COG5: variants seen among roughly 807,000 people sequenced by gnomAD.
The protein encoded by COG5 is conserved oligomeric Golgi complex subunit 5.
In COG5, 86 loss-of-function variants were observed where a neutral mutation model predicts 110.4. The ratio of observed to expected loss-of-function variants is 0.78; its 90% CI spans 0.65 to 0.93. The LOEUF (loss-of-function observed/expected upper bound fraction) is 0.93. COG5 is among the 40% of genes least tolerant of loss of function. The pLI is 0.00. For synonymous variants in COG5, 360 were observed against 334.6 expected (o/e 1.08, Z -0.83); for missense variants, 1,077 against 987.0 (o/e 1.09, Z -1.22).
chr7:107,503,814 A>T lies in COG5; in HGVS notation c.538+23423T>A, dbSNP rs1584904069. Among the ~76,000 whole-genome samples, 3 of 152,198 alleles carry T rather than the reference A, an allele frequency of 2.0e-5. No individual in the cohort carries two copies. In the East Asian group the frequency reaches 5.8e-4, roughly 29 times the overall value. On this transcript the variant is annotated intron_variant, in intron 6 of 21. Coordinates refer to ENST00000297135, the MANE Select transcript of COG5 (RefSeq NM_006348.5). ...CTCAGCTTGGTGGTTGGTGTGTAGC[A>T]GTGCTACTGATTTGTGTACATTGAC...
intron 17 of COG5, among the ~76,000 whole-genome samples, chr7:107,240,204 C>G (rs1307637710): frequency 6.6e-6 from 1 of 152,014 alleles, no homozygotes; most frequent in East Asian, 1.9e-4. Flanking sequence ...TTGATGATTA[C>G]TCTTTACTTA....
chr7:107,350,793 T>C (rs1020571872), intron 10 of COG5, among the ~76,000 whole-genome samples: 1 of 152,162 alleles, frequency 6.6e-6, no homozygotes, highest in African/African-American at 2.4e-5. Flanking sequence ...AAGTTTCTTC[T>C]TCCATCTTGC....
At chr7:107,428,313 T>C (rs994117797) in intron 6 of COG5, among the ~76,000 whole-genome samples, 5 of 152,020 alleles carry the variant, frequency 3.3e-5, no homozygotes, top group African/African-American at 1.2e-4. Context: ...TTAAACTGGA[T>C]TAGGGTGGCC....
chr7:107,427,111 TTGTTCATC>T (rs1793690986), intron 6 of COG5, among the ~76,000 whole-genome samples: 1 of 152,216 alleles, frequency 6.6e-6, no homozygotes. Context: ...TCCTCTGGTC[TTGTTCATC>T]TATATGATCA....
At chr7:107,359,624 A>G (rs1047638318) in intron 10 of COG5, among the ~76,000 whole-genome samples, 3 of 152,066 alleles carry the variant, frequency 2.0e-5, no homozygotes, top group South Asian at 2.1e-4. Context: ...GCCCATGGCC[A>G]ACCATGGACA....
intron 6 of COG5, among the ~76,000 whole-genome samples, chr7:107,414,951 C>A (rs745546902): frequency 3.3e-5 from 5 of 151,882 alleles, no homozygotes; most frequent in Non-Finnish European, 7.4e-5. Context: ...TGGTCTTGAT[C>A]TCCTGACCTT....
At chr7:107,260,358 T>C (rs1803235703) in intron 14 of COG5, among the ~76,000 whole-genome samples, 1 of 152,084 alleles carries the variant, frequency 6.6e-6, no homozygotes, top group Non-Finnish European at 1.5e-5. Flanking sequence ...TTATATGAAA[T>C]ATCCAGATTA....
At position 107,211,222 on chromosome 7, in the gene COG5, A is replaced by G. The variant is rs1475281552; in HGVS notation, c.2172T>C (p.Pro724=). The change falls in exon 20 of 22, where the codon CCT becomes CCC. Residue 724 remains proline (P), a synonymous_variant. Transcript: ENST00000297135. ...KSYRMLRSFR[P]LLFQASEHVA... ...CATGTTCACTTGCCTGGAAGAGCAG[A>G]GGTCTAGACGGGAAAAACAGAAGTT... The G allele has an allele frequency of 6.2e-7, 1 of 1,614,036 alleles. No individual in the cohort carries two copies.
intron 6 of COG5, among the ~76,000 whole-genome samples, chr7:107,505,973 T>C (rs114860582): frequency 0.015 from 2,350 of 152,222 alleles, 62 homozygotes; most frequent in African/African-American, 0.055. Context: ...CCAGCTCTGA[T>C]GGGGGTGGCA....
intron 16 of COG5, among the ~76,000 whole-genome samples, chr7:107,249,907 T>C (rs1323083001): frequency 1.3e-5 from 2 of 151,592 alleles, no homozygotes; most frequent in African/African-American, 4.9e-5. Context: ...AGCATAGGAG[T>C]TTGGGAAAGC....
At chr7:107,259,345 A>AAT (rs1803140067) in intron 14 of COG5, among the ~76,000 whole-genome samples, 1 of 152,240 alleles carries the variant, frequency 6.6e-6, no homozygotes, top group Admixed American at 6.5e-5. Context: ...GTGGCCTGAA[A>AAT]ATATATTTAT....
At chr7:107,403,444 T>C (rs1016506303) in intron 7 of COG5, among the ~76,000 whole-genome samples, 2 of 152,020 alleles carry the variant, frequency 1.3e-5, no homozygotes, top group South Asian at 4.2e-4. Context: ...AATGTGCTGG[T>C]TTGTTATATA....
chr7:107,215,419 G>T (rs749865004), intron 19 of COG5, among the ~76,000 whole-genome samples: 62 of 152,142 alleles, frequency 4.1e-4, no homozygotes, highest in Non-Finnish European at 8.1e-4. Context: ...TGTAATCCCA[G>T]CACTTTGGGA....
chr7:107,249,755 C>A (rs1428335280), intron 16 of COG5, among the ~76,000 whole-genome samples: 1 of 144,886 alleles, frequency 6.9e-6, no homozygotes, highest in Non-Finnish European at 1.5e-5. Context: ...TATAGTTTGC[C>A]CTCCATACAG....
At chr7:107,403,557 G>A (rs1473382445) in intron 7 of COG5, among the ~76,000 whole-genome samples, 2 of 148,608 alleles carry the variant, frequency 1.3e-5, no homozygotes, top group East Asian at 2.0e-4. Context: ...AACCCCAACA[G>A]GCCCCGGTGT....
chr7:107,272,228 C>G (rs1804336610), intron 14 of COG5, among the ~76,000 whole-genome samples: 1 of 152,218 alleles, frequency 6.6e-6, no homozygotes. Context: ...CACCCCTCTG[C>G]TCACTGAGAT....
At chr7:107,311,519 G>C (rs111906064) in intron 11 of COG5, among the ~76,000 whole-genome samples, 28,332 of 148,676 alleles carry the variant, frequency 0.19, 3,047 homozygotes, top group East Asian at 0.31. Context: ...TCAGCCTCCC[G>C]AGTAGCTGGG....
chr7:107,223,732 G>T (rs1391570985), intron 19 of COG5, among the ~76,000 whole-genome samples: 2 of 152,220 alleles, frequency 1.3e-5, no homozygotes, highest in African/African-American at 2.4e-5. Context: ...GGAATAAGAT[G>T]TGGGGTATGG....
chr7:107,242,919 C>T (rs567201711), intron 17 of COG5, among the ~76,000 whole-genome samples: 11 of 152,238 alleles, frequency 7.2e-5, no homozygotes, highest in African/African-American at 2.6e-4. Flanking sequence ...CTGCTGCCTC[C>T]GATTTGGGGA....
Sources: gnomAD v4.1 joint callset for allele counts (sites outside exome capture counted in the v4.1 genomes callset) on GRCh38, gnomAD v4.1.1 for gene constraint, MANE v1.5 for transcripts, NCBI Gene and HGNC (gene_info 2026-07-23, HGNC 2026-07-21) for gene names.